Variants in MICU1 observed in about 807,000 individuals in gnomAD.
MICU1 encodes mitochondrial calcium uptake 1.
Under a neutral mutation model 56.8 loss-of-function variants are expected in MICU1, and 45 were observed. That is an observed-to-expected ratio of 0.79 (90% CI 0.62 to 1.02). The LOEUF (loss-of-function observed/expected upper bound fraction) is 1.02. Ranked by LOEUF, MICU1 falls within the 50% of genes least tolerant of loss-of-function variation. The pLI is 0.00. For synonymous variants in MICU1, 186 were observed against 195.1 expected (o/e 0.95, Z 0.39); for missense variants, 504 against 587.1 (o/e 0.86, Z 1.46).
chr10:72,408,018 A>G lies in MICU1; in HGVS notation c.1091T>C (p.Val364Ala). The change falls in exon 10 of 12, where the codon GTG becomes GCG. Residue 364 changes from valine (V) to alanine (A), a missense_variant. Coordinates refer to ENST00000361114, the MANE Select transcript of MICU1 (RefSeq NM_001195518.2). Reference sequence around the variant, plus strand: ...CTTTAGGAAAGTAAAGAAGTTCTCCACCTCCTGAAATGTCAGACCCTGCAA... The same window carrying G: ...CTTTAGGAAAGTAAAGAAGTTCTCCGCCTCCTGAAATGTCAGACCCTGCAA... ...KEGKGLTFQE[V>A]ENFFTFLKNI... 1.9e-6 allele frequency: 3 copies of G among 1,613,444 alleles called. No individual in the cohort carries two copies. The highest frequency in any genetic ancestry group is 2.7e-5 in the African/African-American group (2 of 75,006).
At chr10:72,370,155 C>G (rs915412207) in intron 11 of MICU1, among the ~76,000 whole-genome samples, 1 of 152,070 alleles carries the variant, frequency 6.6e-6, no homozygotes, top group African/African-American at 2.4e-5. Context: ...GGATTACAGG[C>G]GTGAGACACT....
chr10:72,585,658 CAAAAAAA>C (rs201988384), intron 1 of MICU1, among the ~76,000 whole-genome samples: 7 of 123,980 alleles, frequency 5.6e-5, no homozygotes, highest in African/African-American at 8.9e-5. Context: ...GACTCTTTCT[CAAAAAAA>C]AAAAAAAAAT....
intron 1 of MICU1, among the ~76,000 whole-genome samples, chr10:72,612,031 T>C (rs1396739241): frequency 1.1e-4 from 12 of 110,928 alleles, no homozygotes; most frequent in Admixed American, 2.5e-4. Context: ...AAAAAAAAAA[T>C]CACAAAGCTA....
chr10:72,477,074 A>T (rs989112206), intron 7 of MICU1, 100 bp downstream of exon 7: 2 of 760,128 alleles, frequency 2.6e-6, no homozygotes, highest in African/African-American at 3.7e-5. Context: ...AAATTGGAAT[A>T]GCCTCTGAGT....
chr10:72,436,125 C>T (rs1382040472), intron 8 of MICU1, among the ~76,000 whole-genome samples: 1 of 152,240 alleles, frequency 6.6e-6, no homozygotes, highest in East Asian at 1.9e-4. Flanking sequence ...AACTGGGAGA[C>T]ACCTCCCAGT....
At chr10:72,585,070 C>G (rs1366045379) in intron 1 of MICU1, among the ~76,000 whole-genome samples, 1 of 150,460 alleles carries the variant, frequency 6.6e-6, no homozygotes, top group African/African-American at 2.4e-5. Flanking sequence ...TCTCAAACAT[C>G]TTTGGTTTTA....
At chr10:72,513,604 T>C (rs1478090478) in intron 5 of MICU1, among the ~76,000 whole-genome samples, 1 of 152,204 alleles carries the variant, frequency 6.6e-6, no homozygotes, top group Non-Finnish European at 1.5e-5. Flanking sequence ...TGATGTTATA[T>C]TTAATATTTC....
At chr10:72,426,012 ATCCAAAACTTTTT>A (rs2132144141) in intron 8 of MICU1, among the ~76,000 whole-genome samples, 1 of 152,122 alleles carries the variant, frequency 6.6e-6, no homozygotes, top group African/African-American at 2.4e-5. Context: ...ATGCATCAAA[ATCCAAAACTTTTT>A]TTGTTGTTGA....
chr10:72,479,088 G>C (rs915557969), intron 6 of MICU1, among the ~76,000 whole-genome samples: 2 of 152,164 alleles, frequency 1.3e-5, no homozygotes, highest in Non-Finnish European at 2.9e-5. Flanking sequence ...TTTATTATTT[G>C]ACTTCATACT....
At chr10:72,415,988 C>A (rs1369105626) in intron 9 of MICU1, among the ~76,000 whole-genome samples, 1 of 152,052 alleles carries the variant, frequency 6.6e-6, no homozygotes, top group African/African-American at 2.4e-5. Context: ...GGTAGATACA[C>A]AAGATATGTA....
chr10:72,591,495 GA>G (rs1841224017), intron 1 of MICU1, among the ~76,000 whole-genome samples: 2 of 152,096 alleles, frequency 1.3e-5, no homozygotes, highest in South Asian at 4.2e-4. Flanking sequence ...GTACTAACAA[GA>G]AAGAGAGAAG....
intron 9 of MICU1, among the ~76,000 whole-genome samples, chr10:72,412,254 T>C (rs11812757): frequency 0.041 from 6,249 of 152,300 alleles, 422 homozygotes; most frequent in African/African-American, 0.14. Flanking sequence ...TATTGCAAAT[T>C]GAGTTGTTTG....
intron 1 of MICU1, among the ~76,000 whole-genome samples, chr10:72,597,639 G>A (rs1272115059): frequency 6.6e-6 from 1 of 152,126 alleles, no homozygotes; most frequent in Non-Finnish European, 1.5e-5. Flanking sequence ...GAAGTGTACA[G>A]TCATAAAATT....
At chr10:72,371,160 C>A (rs970146469) in intron 11 of MICU1, among the ~76,000 whole-genome samples, 8 of 145,396 alleles carry the variant, frequency 5.5e-5, no homozygotes, top group African/African-American at 2.0e-4. Flanking sequence ...CCGAGACGGG[C>A]GGATCATGAG....
intron 10 of MICU1, among the ~76,000 whole-genome samples, chr10:72,395,040 G>A (rs1049565293): frequency 3.3e-5 from 5 of 151,794 alleles, no homozygotes; most frequent in East Asian, 1.9e-4. Flanking sequence ...TTAGCTGGGC[G>A]TGGTGGCGGG....
intron 1 of MICU1, among the ~76,000 whole-genome samples, chr10:72,608,873 G>A (rs1841763843): frequency 6.6e-6 from 1 of 152,176 alleles, no homozygotes; most frequent in Non-Finnish European, 1.5e-5. Context: ...AACCAATCCA[G>A]CCATTTCTGG....
At chr10:72,566,867 C>G (rs1840453601) in intron 1 of MICU1, 73 bp from the exon 2 acceptor site, 1 of 1,313,160 alleles carries the variant, frequency 7.6e-7, no homozygotes, top group African/African-American at 1.5e-5. Context: ...ATCCTACCAA[C>G]ATTTCTAATA....
At chr10:72,572,196 C>T (rs1342647896) in intron 1 of MICU1, among the ~76,000 whole-genome samples, 1 of 152,164 alleles carries the variant, frequency 6.6e-6, no homozygotes, top group Non-Finnish European at 1.5e-5. Flanking sequence ...TTCCTTTTAT[C>T]TCTTTAGCAC....
chr10:72,414,826 C>T (rs1011626477), intron 9 of MICU1, among the ~76,000 whole-genome samples: 5 of 152,078 alleles, frequency 3.3e-5, no homozygotes, highest in Non-Finnish European at 5.9e-5. Flanking sequence ...ATGATGAGTG[C>T]AAACACTGTA....
Sources: allele counts gnomAD v4.1 joint callset (sites outside exome capture counted in the v4.1 genomes callset), GRCh38; gene constraint gnomAD v4.1.1; transcripts MANE v1.5; gene names NCBI Gene and HGNC (gene_info 2026-07-23, HGNC 2026-07-21).